Variants in GALNT18 observed in about 807,000 individuals in gnomAD.
GALNT18 encodes polypeptide N-acetylgalactosaminyltransferase 18, also known as GalNAc-transferase 18.
GALNT18 carries 44 observed loss-of-function variants against 69.5 expected under a neutral mutation model. The observed-to-expected ratio is 0.63, with a 90% CI of 0.50 to 0.81. The LOEUF (loss-of-function observed/expected upper bound fraction) is 0.81. GALNT18 is among the 40% of genes least tolerant of loss of function. The pLI, the probability that GALNT18 is intolerant of heterozygous loss-of-function variation, is 0.00. For missense variants in GALNT18, 715 were observed against 810.0 expected (o/e 0.88, Z 1.42); for synonymous variants, 364 against 318.2 (o/e 1.14, Z -1.53).
In GALNT18 at chr11:11,436,652, G is replaced by A. The variant is rs756712031; in HGVS notation, c.429-3865C>T. Among the ~76,000 whole-genome samples the A allele has an allele frequency of 9.2e-5, 14 of 152,272 alleles. No individual in the cohort carries two copies. The highest frequency in any genetic ancestry group is 8.3e-4 in the South Asian group (4 of 4,824). On this transcript the variant is annotated intron_variant, in intron 2 of 10. Transcript: ENST00000227756. This position sits in a 1 kb window ranked among gnomAD's most constrained non-coding sequence, Gnocchi z 4.5. The stretch of plus-strand genomic sequence containing the variant: ...CACATCATGACACGGTCTGTAGTTC[G>A]TATCTTCACCTCAACACTGAAGCAG...
At chr11:11,322,616 T>C (rs938428090) in intron 9 of GALNT18, among the ~76,000 whole-genome samples, 6 of 152,144 alleles carry the variant, frequency 3.9e-5, no homozygotes, top group African/African-American at 1.4e-4. Context: ...CCCACTACAA[T>C]GGCTATAATT....
At position 11,600,532 on chromosome 11, in the gene GALNT18, T is replaced by G. The variant is rs746405928; in HGVS notation, c.235+20827A>C. On this transcript the variant is annotated intron_variant, in intron 1 of 10. Coordinates refer to ENST00000227756, the MANE Select transcript of GALNT18 (RefSeq NM_198516.3). This position sits in a 1 kb window ranked among gnomAD's most constrained non-coding sequence, Gnocchi z 4.8. ...GCTGCTAATCTTATCAGTATTCTCT[T>G]GTAGGTGATAAGTGGTCTTTCTGTT... 1.3e-5 allele frequency among the ~76,000 whole-genome samples: 2 copies of G among 152,090 alleles called. No homozygotes were observed. Among genetic ancestry groups the G allele is most frequent in the African/African-American group, 2.4e-5 (1 of 41,446 alleles).
At chr11:11,467,595 T>C (rs1204327335) in intron 1 of GALNT18, among the ~76,000 whole-genome samples, 1 of 152,216 alleles carries the variant, frequency 6.6e-6, no homozygotes, top group Non-Finnish European at 1.5e-5. Context: ...CACACGCTCA[T>C]GCATTGTGCA....
chr11:11,307,707 C>G (rs1185786685), intron 9 of GALNT18, among the ~76,000 whole-genome samples: 1 of 151,586 alleles, frequency 6.6e-6, no homozygotes, highest in Non-Finnish European at 1.5e-5. Flanking sequence ...CTCTTTCTTC[C>G]TTTAAGGTCC....
At chr11:11,579,836 A>T (rs900701680) in intron 1 of GALNT18, among the ~76,000 whole-genome samples, 1 of 152,182 alleles carries the variant, frequency 6.6e-6, no homozygotes, top group Non-Finnish European at 1.5e-5. Context: ...GTGAGGAGAG[A>T]GCCCTGGGAG....
chr11:11,529,571 T>C (rs1857593202), intron 1 of GALNT18, among the ~76,000 whole-genome samples: 1 of 152,158 alleles, frequency 6.6e-6, no homozygotes, highest in African/African-American at 2.4e-5. Flanking sequence ...ATTTCAGATC[T>C]TGGGGCTTCT....
rs1208828504 is a variant in GALNT18, at chr11:11,347,873, T to A, written c.1093-6869A>T. 6.6e-6 allele frequency among the ~76,000 whole-genome samples: 1 copy of A among 152,068 alleles called. No homozygotes were observed. The highest frequency in any genetic ancestry group is 2.4e-5 in the African/African-American group (1 of 41,394). On this transcript the variant is annotated intron_variant, in intron 6 of 10. Coordinates refer to ENST00000227756, the MANE Select transcript of GALNT18 (RefSeq NM_198516.3). This position sits in a 1 kb window ranked among gnomAD's most constrained non-coding sequence, Gnocchi z 4.0. ...GTGAAAAGCCAAAACCAGCAGGCTA[T>A]GGGGAGGAAGACGAGGTGGATGCAG... is the stretch of plus-strand genomic sequence containing the variant.
chr11:11,372,691 T>A lies in GALNT18; in HGVS notation c.978-62A>T. 7.9e-7 allele frequency: 1 copy of A among 1,271,502 alleles called. No homozygotes were observed. The highest frequency in any genetic ancestry group is 1.1e-6 in the Non-Finnish European group (1 of 878,210). The allele number at this position is 1,271,502 out of a possible 1,614,324, so 78.8% of individuals were successfully genotyped here. On this transcript the variant is annotated intron_variant, in intron 5 of 10. Transcript: ENST00000227756. This position sits in a 1 kb window ranked among gnomAD's most constrained non-coding sequence, Gnocchi z 4.9. ...GCAGCTGTCCGAGGAGTAAGAGCAG[T>A]AAGGCCTTCCTATCAGGAGGGTCTG...
chr11:11,602,458 C>T lies in GALNT18; in HGVS notation c.235+18901G>A, dbSNP rs1859654844. Among the ~76,000 whole-genome samples, 1 of 152,160 alleles carries T rather than the reference C, an allele frequency of 6.6e-6. No homozygotes were observed. The highest frequency in any genetic ancestry group is 2.1e-4 in the South Asian group (1 of 4,826). ...CCCTAGAGTGGAAGTTGTGGGAAAG[C>T]AGCACCCCGTCTTCTTGTCCATATC... On this transcript the variant is annotated intron_variant, in intron 1 of 10. Coordinates refer to ENST00000227756, the MANE Select transcript of GALNT18 (RefSeq NM_198516.3). The surrounding 1 kb of genome is among the most constrained non-coding windows in gnomAD (Gnocchi z 4.7).
chr11:11,357,572 C>T (rs942607257), intron 6 of GALNT18, among the ~76,000 whole-genome samples: 5 of 152,318 alleles, frequency 3.3e-5, no homozygotes, highest in Admixed American at 6.5e-5. Flanking sequence ...TGCCTTTTCT[C>T]CACTTGCTTT....
At chr11:11,277,661 C>T (rs567555811) in intron 10 of GALNT18, among the ~76,000 whole-genome samples, 2 of 152,292 alleles carry the variant, frequency 1.3e-5, no homozygotes, top group East Asian at 1.9e-4. Context: ...CCCTCTACAA[C>T]ACTGCTTTAA....
chr11:11,531,847 A>G (rs1857655678), intron 1 of GALNT18, among the ~76,000 whole-genome samples: 2 of 152,120 alleles, frequency 1.3e-5, no homozygotes, highest in Admixed American at 6.5e-5. Flanking sequence ...TCAGGTAAAC[A>G]ATTTGGGTAT....
At position 11,436,073 on chromosome 11, in the gene GALNT18, G is replaced by C. The variant is rs1855395179; in HGVS notation, c.429-3286C>G. Among the ~76,000 whole-genome samples the C allele has an allele frequency of 6.6e-6, 1 of 152,232 alleles. No individual in the cohort carries two copies. The highest frequency in any genetic ancestry group is 2.4e-5 in the African/African-American group (1 of 41,466). On this transcript the variant is annotated intron_variant, in intron 2 of 10. Transcript: ENST00000227756. The surrounding 1 kb of genome is among the most constrained non-coding windows in gnomAD (Gnocchi z 4.5). ...TCCACACCTGACCTAATGTGGCCCTGCGTGAGCAGAGAGGCGAGGGGTGGG... is the reference window on the plus strand; with the variant it reads ...TCCACACCTGACCTAATGTGGCCCTCCGTGAGCAGAGAGGCGAGGGGTGGG...
intron 1 of GALNT18, among the ~76,000 whole-genome samples, chr11:11,506,298 A>G (rs534394551): frequency 6.6e-6 from 1 of 152,328 alleles, no homozygotes; most frequent in African/African-American, 2.4e-5. Flanking sequence ...TTTGCAAAAG[A>G]GAAACCACTA....
intron 1 of GALNT18, among the ~76,000 whole-genome samples, chr11:11,548,164 G>C (rs566097424): frequency 6.6e-6 from 1 of 152,306 alleles, no homozygotes; most frequent in East Asian, 1.9e-4. Context: ...GTGTGACACT[G>C]TGAACAGCCA....
chr11:11,292,657 A>G (rs1849322646), intron 10 of GALNT18, among the ~76,000 whole-genome samples: 1 of 152,142 alleles, frequency 6.6e-6, no homozygotes, highest in Non-Finnish European at 1.5e-5. Flanking sequence ...AAAGTCAGAA[A>G]GACCTGAGTT....
intron 1 of GALNT18, chr11:11,475,881 G>T (rs1453043596): frequency 6.6e-6 from 1 of 152,144 alleles, no homozygotes; most frequent in African/African-American, 2.4e-5. Context: ...AATTCCAACT[G>T]TGTAGACCCT....
chr11:11,571,794 T>C (rs1349407168), intron 1 of GALNT18, among the ~76,000 whole-genome samples: 1 of 152,246 alleles, frequency 6.6e-6, no homozygotes, highest in Non-Finnish European at 1.5e-5. Context: ...TTGGTGTGTG[T>C]TAAAGTGACC....
rs1047936364 is a variant in GALNT18, at chr11:11,389,878, T to G, written c.596-10614A>C. On this transcript the variant is annotated intron_variant, in intron 3 of 10. Transcript: ENST00000227756. The surrounding 1 kb of genome is among the most constrained non-coding windows in gnomAD (Gnocchi z 4.3). Reference sequence around the variant, plus strand: ...AGGAAGGTCCAGTGCCCTTAGCAGTTAAGCCAGAGGCCAACTTGAATTTTG... The same window carrying G: ...AGGAAGGTCCAGTGCCCTTAGCAGTGAAGCCAGAGGCCAACTTGAATTTTG... Among the ~76,000 whole-genome samples the G allele has an allele frequency of 6.6e-6, 1 of 152,312 alleles. No homozygotes were observed. The highest frequency in any genetic ancestry group is 6.5e-5 in the Admixed American group (1 of 15,302).
Sources: allele counts gnomAD v4.1 joint callset (sites outside exome capture counted in the v4.1 genomes callset), GRCh38; gene constraint gnomAD v4.1.1; non-coding constraint Gnocchi (gnomAD v3.1); transcripts MANE v1.5; gene names NCBI Gene and HGNC (gene_info 2026-07-23, HGNC 2026-07-21).